The following KCNB2 variants were observed in gnomAD, a reference collection of about 807,000 sequenced individuals.
KCNB2 encodes delayed rectifier potassium channel protein.
Under a neutral mutation model 61.5 loss-of-function variants are expected in KCNB2, and 15 were observed. That is an observed-to-expected ratio of 0.24 (90% CI 0.16 to 0.38). The LOEUF is 0.38. Ranked by LOEUF, KCNB2 falls within the 10% of genes least tolerant of loss-of-function variation. KCNB2 has a pLI of 1.00. For missense variants in KCNB2, 828 were observed against 1,125.2 expected, an observed-to-expected ratio of 0.74 and a Z score of 3.78; for synonymous variants, 457 against 446.0, an observed-to-expected ratio of 1.02 and a Z score of -0.31.
At chr8:72,850,613 A>T (rs1810084442) in intron 2 of KCNB2, among the ~76,000 whole-genome samples, 2 of 152,240 alleles carry the variant, frequency 1.3e-5, no homozygotes, top group Non-Finnish European at 1.5e-5. Flanking sequence ...GTTTTACAGA[A>T]AGAAATTATT....
chr8:72,658,598 G>A (rs543586783), intron 2 of KCNB2, among the ~76,000 whole-genome samples: 2 of 152,170 alleles, frequency 1.3e-5, no homozygotes, highest in East Asian at 1.9e-4. Context: ...ATGGCCTTCT[G>A]TTGGAAGAAA....
intron 2 of KCNB2, among the ~76,000 whole-genome samples, chr8:72,575,409 T>C (rs967371612): frequency 6.6e-6 from 1 of 152,192 alleles, no homozygotes; most frequent in African/African-American, 2.4e-5. Context: ...GAGAAGATGC[T>C]ATTTTGAATG....
chr8:72,915,440 G>T (rs1225300781), intron 2 of KCNB2, among the ~76,000 whole-genome samples: 1 of 152,162 alleles, frequency 6.6e-6, no homozygotes, highest in Non-Finnish European at 1.5e-5. Context: ...GGAGGGGGAA[G>T]GAGGTAGGGA....
intron 2 of KCNB2, among the ~76,000 whole-genome samples, chr8:72,725,727 C>A (rs904337009): frequency 3.3e-5 from 5 of 150,788 alleles, no homozygotes; most frequent in African/African-American, 1.2e-4. Context: ...GTCCTTCTGC[C>A]CAGACTGTGA....
At chr8:72,744,419 G>A (rs1031150049) in intron 2 of KCNB2, among the ~76,000 whole-genome samples, 16 of 152,206 alleles carry the variant, frequency 1.1e-4, no homozygotes, top group Non-Finnish European at 2.1e-4. Flanking sequence ...CAAGGACACA[G>A]TGTAAACAAG....
chr8:72,720,282 G>C (rs1381057089), intron 2 of KCNB2, among the ~76,000 whole-genome samples: 1 of 152,098 alleles, frequency 6.6e-6, no homozygotes, highest in Non-Finnish European at 1.5e-5. Context: ...AAGAGATAAT[G>C]GTCATGTATA....
intron 1 of KCNB2, among the ~76,000 whole-genome samples, chr8:72,559,072 A>G (rs538590154): frequency 1.3e-5 from 2 of 152,252 alleles, no homozygotes; most frequent in Admixed American, 1.3e-4. Context: ...TAAGTGAAAT[A>G]TAGACCTTGA....
rs754081980 is a variant in KCNB2 at position 72,660,623 on chromosome 8, AGC to A, written c.579+92311_579+92312del. 3 of 152,296 alleles carry A rather than the reference AGC, an allele frequency of 2.0e-5. No individual in the cohort carries two copies. The East Asian group carries it at 5.8e-4, about 29-fold the overall frequency. The allele number at this position is 152,296 out of a possible 1,614,324, so 9.4% of individuals were successfully genotyped here. ...TATTGAGATTTCTCTCAGCTGTCAG[AGC>A]TCTCAAAGTATCACCATGAGCTTTT... On this transcript the variant is annotated intron_variant, in intron 2 of 2. Transcript: ENST00000523207.
Position 72,936,003 on chromosome 8 carries a change from G to C in KCNB2, c.648G>C (p.Pro216=). Residue 216 remains proline (P), a synonymous_variant, in exon 3 of 3, where the codon CCG becomes CCC. Coordinates refer to ENST00000523207, the MANE Select transcript of KCNB2 (RefSeq NM_004770.3). The surrounding 1 kb of genome is among the most constrained non-coding windows in gnomAD (Gnocchi z 5.6). ...STIALSLNTL[P]ELQETDEFGQ... ...TTGCTTTGTCTCTCAATACGCTGCC[G>C]GAGCTGCAGGAAACGGACGAATTTG... 1 of 1,614,122 alleles carries C rather than the reference G, an allele frequency of 6.2e-7. No homozygotes were observed. Among genetic ancestry groups the C allele is most frequent in the East Asian group, 2.2e-5 (1 of 44,876 alleles).
intron 2 of KCNB2, among the ~76,000 whole-genome samples, chr8:72,874,664 G>A (rs1216813872): frequency 1.3e-5 from 2 of 152,210 alleles, no homozygotes; most frequent in East Asian, 3.9e-4. Context: ...CGAGGCTCCT[G>A]CTCAGCTGCC....
At chr8:72,837,509 G>A (rs755603148) in intron 2 of KCNB2, among the ~76,000 whole-genome samples, 63 of 152,250 alleles carry the variant, frequency 4.1e-4, no homozygotes, top group Non-Finnish European at 6.5e-4. Flanking sequence ...CATTTTCATC[G>A]ATCAGATTAC....
At chr8:72,785,585 A>G (rs1161167649) in intron 2 of KCNB2, among the ~76,000 whole-genome samples, 1 of 152,176 alleles carries the variant, frequency 6.6e-6, no homozygotes, top group Non-Finnish European at 1.5e-5. Context: ...TTGCCCTAAG[A>G]GAGATGATAC....
intron 2 of KCNB2, among the ~76,000 whole-genome samples, chr8:72,860,907 G>A (rs894894743): frequency 4.6e-5 from 7 of 152,196 alleles, no homozygotes; most frequent in Admixed American, 1.3e-4. Context: ...TAATGTGTGT[G>A]TATACTGTAT....
chr8:72,850,939 C>T (rs1585931342), intron 2 of KCNB2, among the ~76,000 whole-genome samples: 1 of 152,298 alleles, frequency 6.6e-6, no homozygotes, highest in South Asian at 2.1e-4. Context: ...TTCGGTATTC[C>T]ATAGAGCTCC....
At chr8:72,841,969 G>T (rs913618088) in intron 2 of KCNB2, among the ~76,000 whole-genome samples, 1 of 152,076 alleles carries the variant, frequency 6.6e-6, no homozygotes, top group African/African-American at 2.4e-5. Flanking sequence ...ACACTATGCC[G>T]AATAGAAGTG....
intron 2 of KCNB2, among the ~76,000 whole-genome samples, chr8:72,852,908 A>G (rs1400382915): frequency 6.6e-6 from 1 of 152,224 alleles, no homozygotes; most frequent in African/African-American, 2.4e-5. Context: ...GTAGCATCAA[A>G]ATAGTGACTA....
intron 2 of KCNB2, among the ~76,000 whole-genome samples, chr8:72,752,663 C>A (rs2128995806): frequency 6.6e-6 from 1 of 152,222 alleles, no homozygotes; most frequent in East Asian, 1.9e-4. Flanking sequence ...GATGGCACGT[C>A]GTGGGATTTC....
chr8:72,823,645 A>G (rs1042232956), intron 2 of KCNB2, among the ~76,000 whole-genome samples: 1 of 152,244 alleles, frequency 6.6e-6, no homozygotes. Flanking sequence ...ACCCATAACA[A>G]TAATTATAGC....
chr8:72,710,351 C>G (rs1482664374), intron 2 of KCNB2, among the ~76,000 whole-genome samples: 1 of 152,068 alleles, frequency 6.6e-6, no homozygotes, highest in Non-Finnish European at 1.5e-5. Context: ...TCTTTCAAAT[C>G]ATATAATAAT....
Sources: gnomAD v4.1 joint callset for allele counts (sites outside exome capture counted in the v4.1 genomes callset) on GRCh38, gnomAD v4.1.1 for gene constraint, Gnocchi (gnomAD v3.1) non-coding constraint, MANE v1.5 for transcripts, NCBI Gene and HGNC (gene_info 2026-07-23, HGNC 2026-07-21) for gene names.